The following GPC4 variants were observed in gnomAD, a reference collection of about 807,000 sequenced individuals.
GPC4 encodes the protein glypican-4.
Under a neutral mutation model 35.0 loss-of-function variants are expected in GPC4, and 10 were observed. That is an observed-to-expected ratio of 0.29 (90% CI 0.18 to 0.48). The LOEUF (loss-of-function observed/expected upper bound fraction) is 0.48. Among genes scored for constraint, GPC4 ranks in the 20% least tolerant of loss-of-function variants. The pLI, the probability that GPC4 is intolerant of heterozygous loss-of-function variation, is 0.99. For missense variants in GPC4, 322 were observed against 451.3 expected (o/e 0.71, Z 2.60); for synonymous variants, 167 against 170.2 (o/e 0.98, Z 0.15).
chrX:133,394,362 T>C (rs2068733098), intron 1 of GPC4, among the ~76,000 whole-genome samples: 1 of 111,014 alleles, frequency 9.0e-6, no homozygotes, highest in South Asian at 3.8e-4. Context: ...ATCACTACTG[T>C]TATTCTATCA....
intron 2 of GPC4, among the ~76,000 whole-genome samples, chrX:133,338,321 T>C (rs1397172237): frequency 8.9e-6 from 1 of 111,743 alleles, no homozygotes; most frequent in African/African-American, 3.3e-5. Flanking sequence ...ACTATGTAAT[T>C]AGAATGGCCT....
Position 133,302,913 on chromosome X carries a change from G to A in GPC4, c.1625C>T (p.Thr542Ile), listed in dbSNP as rs778741971. ...AACCAGGAACAAGATGCAGAAGACA[G>A]TGAGGAGGTAGGCCTGTGCCCCAGG... The part of the protein sequence containing the change: ...VRPGAQAYLL[T>I]VFCILFLVMQ... The change falls in exon 9 of 9, where the codon ACT becomes ATT. Residue 542 changes from threonine to isoleucine, a missense_variant. Physicochemically the swap from Thr to Ile is moderately conservative, Grantham distance 89. Transcript: ENST00000370828. 2.5e-6 allele frequency: 3 copies of A among 1,210,060 alleles called. No individual in the cohort carries two copies. Among genetic ancestry groups the A allele is most frequent in the South Asian group, 1.8e-5 (1 of 56,802 alleles).
chrX:133,351,480 G>C (rs954629996), intron 1 of GPC4, among the ~76,000 whole-genome samples: 1 of 109,268 alleles, frequency 9.2e-6, no homozygotes, highest in Non-Finnish European at 1.9e-5. Flanking sequence ...CACTAGCAAA[G>C]CACAGATTCC....
At chrX:133,363,228 G>A (rs1252222955) in intron 1 of GPC4, among the ~76,000 whole-genome samples, 2 of 110,777 alleles carry the variant, frequency 1.8e-5, no homozygotes, top group African/African-American at 6.6e-5. Context: ...CAGGAATGAG[G>A]TCTCACTATG....
chrX:133,392,062 G>A (rs934007428), intron 1 of GPC4, among the ~76,000 whole-genome samples: 2 of 108,794 alleles, frequency 1.8e-5, no homozygotes, highest in East Asian at 2.9e-4. Context: ...GTGAAACCCC[G>A]TCTCTACTAA....
intron 1 of GPC4, among the ~76,000 whole-genome samples, chrX:133,403,012 G>A (rs2068772883): frequency 9.1e-6 from 1 of 110,198 alleles, no homozygotes; most frequent in Non-Finnish European, 1.9e-5. Context: ...GCAACCATTT[G>A]TCTACCGGGA....
chrX:133,328,730 G>GA (rs1418557140), intron 2 of GPC4, among the ~76,000 whole-genome samples: 1 of 110,188 alleles, frequency 9.1e-6, no homozygotes, highest in African/African-American at 3.3e-5. Context: ...CATTATGCCT[G>GA]AAACTAATTA....
Position 133,414,834 on chromosome X carries a change from C to A in GPC4, c.132G>T (p.Lys44Asn). Residue 44 changes from lysine (K) to asparagine (N), a missense_variant, in exon 1 of 9, where the codon AAG becomes AAT. By Grantham distance (94) the Lys-to-Asn change is moderately conservative. Coordinates refer to ENST00000370828, the MANE Select transcript of GPC4 (RefSeq NM_001448.3). ...TGATCTCGTGGAGGGGGGCATCGTT[C>A]TTGTTGAAGCCTTTGGACACGTAAA... ...RRLYVSKGFNKNDAPLHEING... is the reference protein window; with the variant it reads ...RRLYVSKGFNNNDAPLHEING... 8.3e-7 allele frequency: 1 copy of A among 1,211,801 alleles called. No homozygotes were observed. The highest frequency in any genetic ancestry group is 1.1e-6 in the Non-Finnish European group (1 of 895,426).
chrX:133,371,956 G>A (rs2068614071), intron 1 of GPC4, among the ~76,000 whole-genome samples: 1 of 111,079 alleles, frequency 9.0e-6, no homozygotes, highest in Non-Finnish European at 1.9e-5. Flanking sequence ...ATGGAAGGCC[G>A]GGCGCGGTGG....
intron 1 of GPC4, among the ~76,000 whole-genome samples, chrX:133,351,067 A>G (rs1393982459): frequency 1.8e-5 from 2 of 112,738 alleles, no homozygotes; most frequent in Non-Finnish European, 3.7e-5. Flanking sequence ...CACATGCCCT[A>G]CAATTTATTA....
intron 2 of GPC4, among the ~76,000 whole-genome samples, chrX:133,333,937 G>A (rs1408149341): frequency 8.9e-6 from 1 of 112,513 alleles, no homozygotes; most frequent in Non-Finnish European, 1.9e-5. Flanking sequence ...TTTTTCCAAT[G>A]TAAAACCCTC....
intron 2 of GPC4, 92 bp downstream of exon 2, chrX:133,339,091 G>GA (rs1452505736): frequency 5.3e-5 from 48 of 910,449 alleles, no homozygotes; most frequent in Non-Finnish European, 7.1e-5. Flanking sequence ...CATCTTGGGA[G>GA]AAAACTTAAG....
chrX:133,320,624 C>CAA (rs11329655), intron 3 of GPC4, among the ~76,000 whole-genome samples: 26 of 37,553 alleles, frequency 6.9e-4, no homozygotes, highest in Admixed American at 1.1e-3. Flanking sequence ...AACTCTGTCT[C>CAA]AAAAAAAAAA....
At chrX:133,380,197 C>T (rs1457767740) in intron 1 of GPC4, among the ~76,000 whole-genome samples, 3 of 110,404 alleles carry the variant, frequency 2.7e-5, no homozygotes, top group Non-Finnish European at 5.7e-5. Context: ...ATTAGCCAAG[C>T]GTGGTGGTGG....
intron 1 of GPC4, among the ~76,000 whole-genome samples, chrX:133,391,937 A>C (rs910822541): frequency 3.6e-5 from 4 of 111,923 alleles, no homozygotes; most frequent in African/African-American, 1.3e-4. Flanking sequence ...GAGGAGTTGT[A>C]TTCACTTACA....
At chrX:133,306,242 G>A in intron 4 of GPC4, 88 bp from the exon 5 acceptor site, 1 of 1,029,299 alleles carries the variant, frequency 9.7e-7, no homozygotes, top group South Asian at 2.0e-5. Context: ...TTTTTTTTCT[G>A]TCTGTTTCCT....
rs376469606 is a variant in GPC4, at chrX:133,333,266, A to C, written c.319+5917T>G. On this transcript the variant is annotated intron_variant, in intron 2 of 8. Coordinates refer to ENST00000370828, the MANE Select transcript of GPC4 (RefSeq NM_001448.3). ...GAGTTGATAAAAGCAGTTCATCTGA[A>C]GCTCTTCTATGTATTTACTTCCCTC... 1.1e-4 allele frequency among the ~76,000 whole-genome samples: 12 copies of C among 112,838 alleles called. No homozygotes were observed. The East Asian group carries it at 2.5e-3, about 24-fold the overall frequency.
At chrX:133,323,003 G>A (rs1181640398) in intron 3 of GPC4, among the ~76,000 whole-genome samples, 3 of 111,578 alleles carry the variant, frequency 2.7e-5, no homozygotes, top group Non-Finnish European at 5.6e-5. Context: ...CAGTGAAGGA[G>A]CAGTGGAACC....
At chrX:133,356,788 T>TAA (rs752968790) in intron 1 of GPC4, among the ~76,000 whole-genome samples, 1 of 111,782 alleles carries the variant, frequency 8.9e-6, no homozygotes, top group Non-Finnish European at 1.9e-5. Flanking sequence ...ACAAATGGAC[T>TAA]AAGACACTCC....
Sources: gnomAD v4.1 joint callset for allele counts (sites outside exome capture counted in the v4.1 genomes callset) on GRCh38, gnomAD v4.1.1 for gene constraint, MANE v1.5 for transcripts, NCBI Gene and HGNC (gene_info 2026-07-23, HGNC 2026-07-21) for gene names.